ERAP1: variants seen among roughly 807,000 people sequenced by gnomAD.
The protein encoded by ERAP1 is adipocyte-derived leucine aminopeptidase.
In ERAP1, 86 loss-of-function variants were observed where a neutral mutation model predicts 103.7. The ratio of observed to expected loss-of-function variants is 0.83; its 90% CI spans 0.70 to 0.99. The LOEUF is 0.99. ERAP1 is among the 50% of genes least tolerant of loss of function. ERAP1 has a pLI of 0.00. For synonymous variants in ERAP1, 398 were observed against 402.4 expected, an observed-to-expected ratio of 0.99 and a Z score of 0.13; for missense variants, 1,009 against 1,128.4, an observed-to-expected ratio of 0.89 and a Z score of 1.52.
At chr5:96,910,859 A>G in the ERAP1 span, among the ~76,000 whole-genome samples, 2 of 152,198 alleles carry the variant, frequency 1.3e-5, 1 homozygote, top group South Asian at 4.1e-4. Context: ...CATTTCCTTT[A>G]TGCCAGCCAG....
At chr5:96,798,367 G>A (rs188612868) in intron 3 of ERAP1, among the ~76,000 whole-genome samples, 2 of 149,938 alleles carry the variant, frequency 1.3e-5, no homozygotes, top group East Asian at 1.9e-4. Context: ...TGCTTCATTG[G>A]AATCACCTTT....
the ERAP1 span, among the ~76,000 whole-genome samples, chr5:96,827,029 G>A: frequency 6.6e-6 from 1 of 152,224 alleles, no homozygotes; most frequent in Non-Finnish European, 1.5e-5. Context: ...GGAAAGGGGA[G>A]GAGAGTAGTT....
the ERAP1 span, among the ~76,000 whole-genome samples, chr5:96,813,456 C>T: frequency 2.6e-5 from 4 of 151,872 alleles, no homozygotes; most frequent in South Asian, 6.3e-4. Flanking sequence ...AGATCGAGAC[C>T]GTCCTGGCCA....
At chr5:96,838,792 T>G in the ERAP1 span, among the ~76,000 whole-genome samples, 5 of 147,982 alleles carry the variant, frequency 3.4e-5, no homozygotes, top group South Asian at 4.3e-4. Context: ...AGAAGAACTG[T>G]GTAAATCACT....
chr5:96,838,334 A>G, the ERAP1 span, among the ~76,000 whole-genome samples: 2 of 152,254 alleles, frequency 1.3e-5, no homozygotes, highest in Admixed American at 1.3e-4. Flanking sequence ...CAGATTCCTG[A>G]GATGGACCAG....
At chr5:96,909,809 T>A in the ERAP1 span, 2 of 1,584,740 alleles carry the variant, frequency 1.3e-6, no homozygotes, top group Non-Finnish European at 1.7e-6. Context: ...TTCTCTTTGA[T>A]GTAAAAGTCT....
the ERAP1 span, chr5:96,873,546 C>CT: frequency 1.3e-5 from 6 of 453,430 alleles, no homozygotes; most frequent in African/African-American, 4.0e-5. Context: ...AGGGGACACT[C>CT]TGAGTGTTCC....
intron 18 of ERAP1, among the ~76,000 whole-genome samples, chr5:96,777,338 AT>A (rs1774484745): frequency 6.6e-6 from 1 of 152,094 alleles, no homozygotes; most frequent in Non-Finnish European, 1.5e-5. Context: ...TCAATTTTTG[AT>A]TTGGTATTCA....
Position 96,803,870 on chromosome 5 carries a change from T to G in ERAP1, c.57A>C (p.Ser19=). The G allele has an allele frequency of 6.2e-7, 1 of 1,613,156 alleles. No homozygotes were observed. The highest frequency in any genetic ancestry group is 1.1e-5 in the South Asian group (1 of 91,082). Reference sequence around the variant, plus strand: ...TGGACACAGTTAAGAGAGCCAACAGTGAGGAAAGTAGAAATGACATGGTTG... The same window carrying G: ...TGGACACAGTTAAGAGAGCCAACAGGGAGGAAAGTAGAAATGACATGGTTG... ...SLATMSFLLS[S]LLALLTVSTP... is the part of the protein sequence containing the mutation. Residue 19 remains serine, a synonymous_variant, in exon 2 of 19, where the codon TCA becomes TCC. Coordinates refer to ENST00000443439, the MANE Select transcript of ERAP1 (RefSeq NM_001040458.3).
chr5:96,929,550 G>A, the ERAP1 span, among the ~76,000 whole-genome samples: 3 of 151,446 alleles, frequency 2.0e-5, no homozygotes, highest in African/African-American at 4.8e-5. Context: ...AGTGCACCCC[G>A]GCGGGAGTGT....
intron 5 of ERAP1, among the ~76,000 whole-genome samples, chr5:96,794,454 T>G (rs1420275738): frequency 6.6e-6 from 1 of 152,084 alleles, no homozygotes; most frequent in Non-Finnish European, 1.5e-5. Context: ...CCTCCCAAAG[T>G]GCTGAGATTA....
chr5:96,787,368 C>T (rs1399265593), intron 11 of ERAP1, among the ~76,000 whole-genome samples: 1 of 152,060 alleles, frequency 6.6e-6, no homozygotes, highest in African/African-American at 2.4e-5. Flanking sequence ...TGGGTACAAG[C>T]GATTCTCCTG....
chr5:96,853,622 A>G, the ERAP1 span, among the ~76,000 whole-genome samples: 1 of 152,072 alleles, frequency 6.6e-6, no homozygotes, highest in Non-Finnish European at 1.5e-5. Context: ...GGGTTTTATG[A>G]TGTGTATTTA....
In ERAP1 at chr5:96,775,211, A is replaced by G. The variant is rs1449255197; in HGVS notation, c.*1185T>C. The G allele has an allele frequency of 1.4e-5, 14 of 985,466 alleles. No individual in the cohort carries two copies. The Admixed American group carries it at 6.1e-4, about 43-fold the overall frequency. The allele number at this position is 985,466 out of a possible 1,614,324, so 61.0% of individuals were successfully genotyped here. On this transcript the variant is annotated 3_prime_UTR_variant, in exon 19 of 19. Transcript: ENST00000443439. ...TGCTTTCTATTATTATCATCTATAC[A>G]TAAAACCTGAGCAGCAACTGTGTGC...
the ERAP1 span, chr5:96,913,533 T>C: frequency 6.6e-7 from 1 of 1,517,138 alleles, no homozygotes; most frequent in Admixed American, 1.8e-5. Flanking sequence ...TGTAATCAAA[T>C]GTTTCTCAAA....
intron 4 of ERAP1, among the ~76,000 whole-genome samples, chr5:96,796,010 A>T (rs1424196777): frequency 6.6e-6 from 1 of 152,248 alleles, no homozygotes; most frequent in African/African-American, 2.4e-5. Flanking sequence ...CATTTCTAAG[A>T]GATTCAGATA....
chr5:96,785,103 A>C (rs1323094915), intron 13 of ERAP1: 1 of 153,388 alleles, frequency 6.5e-6, no homozygotes, highest in Non-Finnish European at 1.5e-5. Context: ...TCCCACCTGC[A>C]TGCTTCCTCT....
chr5:96,875,158 G>A, the ERAP1 span, among the ~76,000 whole-genome samples: 1 of 152,188 alleles, frequency 6.6e-6, no homozygotes, highest in African/African-American at 2.4e-5. Context: ...CATGATTGAA[G>A]GCCATTGTGA....
chr5:96,800,342 T>TA (rs1040153558), intron 3 of ERAP1, among the ~76,000 whole-genome samples: 1 of 152,222 alleles, frequency 6.6e-6, no homozygotes, highest in African/African-American at 2.4e-5. Flanking sequence ...TATCATGACT[T>TA]ACCTTCAGCA....
Sources: allele counts gnomAD v4.1 joint callset (sites outside exome capture counted in the v4.1 genomes callset), GRCh38; gene constraint gnomAD v4.1.1; transcripts MANE v1.5; gene names NCBI Gene and HGNC (gene_info 2026-07-23, HGNC 2026-07-21).